The following CNTNAP4 variants were observed in gnomAD, a reference collection of about 807,000 sequenced individuals.
The protein encoded by CNTNAP4 is contactin associated protein family member 4.
Under a neutral mutation model 148.4 loss-of-function variants are expected in CNTNAP4, and 98 were observed. That is an observed-to-expected ratio of 0.66 (90% CI 0.56 to 0.78). The LOEUF (loss-of-function observed/expected upper bound fraction) is 0.78, where lower values mean the gene tolerates loss of function less well. CNTNAP4 is among the 30% of genes least tolerant of loss of function. CNTNAP4 has a pLI of 0.00. For missense variants in CNTNAP4, 1,935 were observed against 1,565.6 expected (o/e 1.24, Z -3.98); for synonymous variants, 730 against 565.1 (o/e 1.29, Z -4.14).
intron 8 of CNTNAP4, among the ~76,000 whole-genome samples, chr16:76,454,445 T>G (rs1340223217): frequency 1.3e-5 from 2 of 152,244 alleles, no homozygotes; most frequent in African/African-American, 4.8e-5. Flanking sequence ...TTTAAATTCA[T>G]GTATAATATA....
chr16:76,285,451 G>A (rs148233618), intron 1 of CNTNAP4, among the ~76,000 whole-genome samples: 316 of 152,158 alleles, frequency 2.1e-3, no homozygotes, highest in African/African-American at 7.4e-3. Flanking sequence ...AAAAAATGGT[G>A]TGATATTATC....
At chr16:76,401,119 T>A (rs989392442) in intron 3 of CNTNAP4, among the ~76,000 whole-genome samples, 3 of 152,192 alleles carry the variant, frequency 2.0e-5, no homozygotes, top group Non-Finnish European at 4.4e-5. Context: ...ATCTGTACAT[T>A]GCTTTGGGCA....
chr16:76,394,199 A>T (rs867207046), intron 3 of CNTNAP4, among the ~76,000 whole-genome samples: 16 of 152,148 alleles, frequency 1.1e-4, no homozygotes, highest in Admixed American at 2.0e-4. Flanking sequence ...GGTAGAATAG[A>T]GTTGGTCAGG....
chr16:76,388,908 A>G (rs1326363970), intron 3 of CNTNAP4, among the ~76,000 whole-genome samples: 1 of 152,224 alleles, frequency 6.6e-6, no homozygotes, highest in East Asian at 1.9e-4. Flanking sequence ...GCTTTAAATT[A>G]TAATATTTAA....
intron 19 of CNTNAP4, 136 bp from the exon 20 acceptor site, chr16:76,539,583 G>A (rs2084360124): frequency 1.4e-6 from 1 of 700,940 alleles, no homozygotes; most frequent in African/African-American, 1.9e-5. Flanking sequence ...ACTGACTCTT[G>A]GGGATTATAA....
rs577337947 is a variant in CNTNAP4, at chr16:76,417,558, C to T, written c.391-9894C>T. 4.0e-5 allele frequency among the ~76,000 whole-genome samples: 6 copies of T among 151,620 alleles called. No homozygotes were observed. In the East Asian group the frequency reaches 1.2e-3, roughly 29 times the overall value. The stretch of plus-strand genomic sequence containing the variant: ...ATTAATTTGCAATAAAAATTAAATT[C>T]ATTTAATTTATCCATGTGCTATAAG... On this transcript the variant is annotated intron_variant, in intron 3 of 23. Transcript: ENST00000611870.
chr16:76,326,437 A>C (rs932898048), intron 2 of CNTNAP4, among the ~76,000 whole-genome samples: 3 of 152,188 alleles, frequency 2.0e-5, no homozygotes, highest in African/African-American at 7.2e-5. Flanking sequence ...GGATCTTGCT[A>C]AGAGATGGGA....
chr16:76,309,256 G>A (rs771283377), intron 1 of CNTNAP4, among the ~76,000 whole-genome samples: 2 of 152,042 alleles, frequency 1.3e-5, no homozygotes, highest in Non-Finnish European at 2.9e-5. Flanking sequence ...CTGGGGGAAA[G>A]CTCCAGGGTA....
intron 2 of CNTNAP4, among the ~76,000 whole-genome samples, chr16:76,347,200 A>G (rs1446307964): frequency 6.6e-6 from 1 of 151,334 alleles, no homozygotes; most frequent in African/African-American, 2.4e-5. Flanking sequence ...CTGTTTGAAA[A>G]CTTCATAAAA....
At chr16:76,364,233 CAAAAAAAAAAAAAAAAAA>C (rs58589609) in intron 3 of CNTNAP4, among the ~76,000 whole-genome samples, 1 of 48,178 alleles carries the variant, frequency 2.1e-5, no homozygotes, top group African/African-American at 7.8e-5. Flanking sequence ...GATTCCATCT[CAAAAAAAAAAAAAAAAAA>C]AAAAAAAACA....
intron 3 of CNTNAP4, among the ~76,000 whole-genome samples, chr16:76,386,502 C>G (rs958562432): frequency 6.6e-6 from 1 of 152,150 alleles, no homozygotes; most frequent in Non-Finnish European, 1.5e-5. Flanking sequence ...TTACTCCAGA[C>G]TTTCCCAGAT....
intron 8 of CNTNAP4, among the ~76,000 whole-genome samples, chr16:76,458,738 G>T (rs1017629258): frequency 6.6e-6 from 1 of 152,176 alleles, no homozygotes; most frequent in African/African-American, 2.4e-5. Flanking sequence ...GTGTGATCCA[G>T]TTCCTAACAG....
chr16:76,542,953 T>G (rs965672113), intron 21 of CNTNAP4, among the ~76,000 whole-genome samples: 1 of 152,218 alleles, frequency 6.6e-6, no homozygotes, highest in African/African-American at 2.4e-5. Flanking sequence ...GAAGCTGATT[T>G]TCATCCTATA....
chr16:76,315,702 C>G (rs1056032477), intron 1 of CNTNAP4, among the ~76,000 whole-genome samples: 1 of 152,086 alleles, frequency 6.6e-6, no homozygotes, highest in Non-Finnish European at 1.5e-5. Flanking sequence ...TAAAGCGATT[C>G]TCCTGCCTCA....
intron 8 of CNTNAP4, among the ~76,000 whole-genome samples, chr16:76,459,641 C>A (rs2080864619): frequency 6.6e-6 from 1 of 152,192 alleles, no homozygotes; most frequent in Non-Finnish European, 1.5e-5. Flanking sequence ...TTTATGTAAA[C>A]TTCTTTTACA....
At chr16:76,521,524 G>T (rs1216742305) in intron 16 of CNTNAP4, among the ~76,000 whole-genome samples, 1 of 152,000 alleles carries the variant, frequency 6.6e-6, no homozygotes, top group Non-Finnish European at 1.5e-5. Flanking sequence ...GTAGTTTCTT[G>T]TACCAATTTA....
At chr16:76,462,586 C>T (rs1029495936) in intron 9 of CNTNAP4, among the ~76,000 whole-genome samples, 1 of 152,170 alleles carries the variant, frequency 6.6e-6, no homozygotes, top group Non-Finnish European at 1.5e-5. Flanking sequence ...AAGCATAATG[C>T]ACTGATACAT....
chr16:76,298,661 G>C (rs1308945487), intron 1 of CNTNAP4, among the ~76,000 whole-genome samples: 1 of 152,026 alleles, frequency 6.6e-6, no homozygotes, highest in African/African-American at 2.4e-5. Context: ...AAAGTAATGG[G>C]GTGGCTGCAG....
At chr16:76,375,286 G>A (rs1246499592) in intron 3 of CNTNAP4, among the ~76,000 whole-genome samples, 1 of 152,098 alleles carries the variant, frequency 6.6e-6, no homozygotes, top group Non-Finnish European at 1.5e-5. Flanking sequence ...GCCAGGCGTG[G>A]TGGCATGTGC....
Sources: allele counts gnomAD v4.1 joint callset (sites outside exome capture counted in the v4.1 genomes callset), GRCh38; gene constraint gnomAD v4.1.1; transcripts MANE v1.5; gene names NCBI Gene and HGNC (gene_info 2026-07-23, HGNC 2026-07-21).